DIAPH2: variants seen among roughly 807,000 people sequenced by gnomAD.
DIAPH2 encodes the protein protein diaphanous homolog 2.
Under a neutral mutation model 92.7 loss-of-function variants are expected in DIAPH2, and 35 were observed. The ratio of observed to expected loss-of-function variants is 0.38; its 90% CI spans 0.29 to 0.50. DIAPH2 has a LOEUF of 0.50. Among genes scored for constraint, DIAPH2 ranks in the 20% least tolerant of loss-of-function variants. The pLI, the probability that DIAPH2 is intolerant of heterozygous loss-of-function variation, is 0.94. For missense variants in DIAPH2, 701 were observed against 819.5 expected, an observed-to-expected ratio of 0.86 and a Z score of 1.77; for synonymous variants, 301 against 280.4, an observed-to-expected ratio of 1.07 and a Z score of -0.73.
intron 3 of DIAPH2, among the ~76,000 whole-genome samples, chrX:96,749,128 G>GAAA (rs759288156): frequency 2.7e-4 from 15 of 55,590 alleles, no homozygotes; most frequent in African/African-American, 1.0e-3. Flanking sequence ...TACCCCATCA[G>GAAA]AAAAAAAAAA....
intron 4 of DIAPH2, among the ~76,000 whole-genome samples, chrX:96,820,174 G>C (rs1799158489): frequency 8.9e-6 from 1 of 112,265 alleles, no homozygotes; most frequent in Admixed American, 9.4e-5. Context: ...AAGAAATATA[G>C]TTTGTTGATC....
At chrX:97,009,837 TTCCTC>T (rs1219081473) in intron 17 of DIAPH2, among the ~76,000 whole-genome samples, 13 of 111,762 alleles carry the variant, frequency 1.2e-4, no homozygotes, top group African/African-American at 4.2e-4. Context: ...ACTCTTCCCT[TTCCTC>T]TCCTCAAGTG....
intron 25 of DIAPH2, among the ~76,000 whole-genome samples, chrX:97,414,841 C>T (rs1439017863): frequency 9.0e-6 from 1 of 111,162 alleles, no homozygotes; most frequent in Non-Finnish European, 1.9e-5. Flanking sequence ...AAAGCAATGG[C>T]AACAAAAGCC....
At position 97,334,812 on chromosome X, in the gene DIAPH2, C is replaced by T. The variant is rs186977889; in HGVS notation, c.2845-13304C>T. On this transcript the variant is annotated intron_variant, in intron 23 of 26. Coordinates refer to ENST00000324765, the MANE Select transcript of DIAPH2 (RefSeq NM_006729.5). Reference sequence around the variant, plus strand: ...CCTGGCCAACATAGTGAAACGCCGTCTCTATTAAAAATACAAAAAATAGTC... The same window carrying T: ...CCTGGCCAACATAGTGAAACGCCGTTTCTATTAAAAATACAAAAAATAGTC... 7.1e-3 allele frequency among the ~76,000 whole-genome samples: 759 copies of T among 107,183 alleles called. 9 individuals carry two copies. The highest frequency in any genetic ancestry group is 0.025 in the African/African-American group (732 of 29,588). The allele number at this position is 107,183 out of a possible 115,157, so 93.1% of individuals were successfully genotyped here.
At chrX:97,194,429 C>G (rs961306125) in intron 22 of DIAPH2, among the ~76,000 whole-genome samples, 1 of 109,442 alleles carries the variant, frequency 9.1e-6, no homozygotes, top group Non-Finnish European at 1.9e-5. Flanking sequence ...CTACAGGCAC[C>G]CGCCACCAAG....
At chrX:97,041,618 T>C (rs371597341) in intron 17 of DIAPH2, among the ~76,000 whole-genome samples, 1 of 111,787 alleles carries the variant, frequency 8.9e-6, no homozygotes, top group African/African-American at 3.2e-5. Context: ...TTGTAAACTT[T>C]CGGCATTAAA....
intron 26 of DIAPH2, among the ~76,000 whole-genome samples, chrX:97,510,596 C>A (rs1260946564): frequency 3.9e-4 from 40 of 103,266 alleles, no homozygotes; most frequent in African/African-American, 1.3e-3. Flanking sequence ...TGCCTATGTC[C>A]TGAATGGTAA....
At chrX:97,295,489 T>G (rs141312620) in intron 23 of DIAPH2, among the ~76,000 whole-genome samples, 2,773 of 111,489 alleles carry the variant, frequency 0.025, 48 homozygotes, top group Non-Finnish European at 0.039. Context: ...TCTATAAAAA[T>G]AATCAAATAT....
intron 23 of DIAPH2, among the ~76,000 whole-genome samples, chrX:97,314,580 T>G (rs2068825227): frequency 8.9e-6 from 1 of 112,119 alleles, no homozygotes; most frequent in South Asian, 3.7e-4. Context: ...AGTATTTGTC[T>G]AGAATGAGTT....
intron 17 of DIAPH2, among the ~76,000 whole-genome samples, chrX:96,972,540 A>G (rs919746054): frequency 9.0e-6 from 1 of 111,272 alleles, no homozygotes; most frequent in East Asian, 2.8e-4. Flanking sequence ...AATGGGAGGG[A>G]AAGAAATGAA....
rs368088369 is a variant in DIAPH2, at chrX:97,345,105, A to G, written c.2845-3011A>G. On this transcript the variant is annotated intron_variant, in intron 23 of 26. Transcript: ENST00000324765. The stretch of plus-strand genomic sequence containing the variant: ...GATAAACATTTTCTTAAAAACCAAT[A>G]TATATATGATGACAGTCTCAAAGGT... 7.0e-4 allele frequency among the ~76,000 whole-genome samples: 78 copies of G among 111,985 alleles called. 1 individual carries two copies. Among genetic ancestry groups the G allele is most frequent in the Middle Eastern group, 4.6e-3 (1 of 219 alleles).
intron 23 of DIAPH2, among the ~76,000 whole-genome samples, chrX:97,287,306 A>G (rs750075162): frequency 4.5e-4 from 46 of 101,397 alleles, no homozygotes; most frequent in Non-Finnish European, 7.7e-4. Context: ...CTCCGTCGGG[A>G]AAAAAAAAAA....
intron 22 of DIAPH2, among the ~76,000 whole-genome samples, chrX:97,148,559 C>A (rs1253371666): frequency 9.0e-6 from 1 of 110,973 alleles, no homozygotes; most frequent in African/African-American, 3.3e-5. Context: ...TCCTTACAAT[C>A]TCGGTGCTAT....
chrX:97,485,990 C>T (rs1172540932), intron 26 of DIAPH2, among the ~76,000 whole-genome samples: 1 of 104,110 alleles, frequency 9.6e-6, no homozygotes, highest in Non-Finnish European at 2.0e-5. Flanking sequence ...TTACACCCCT[C>T]CCTTCTGTTC....
intron 26 of DIAPH2, among the ~76,000 whole-genome samples, chrX:97,503,951 C>T (rs2070815823): frequency 9.0e-6 from 1 of 111,307 alleles, no homozygotes; most frequent in African/African-American, 3.3e-5. Flanking sequence ...GTTAAGTAGC[C>T]TCACATTAAA....
At chrX:96,851,740 G>A (rs1337264937) in intron 4 of DIAPH2, among the ~76,000 whole-genome samples, 1 of 111,875 alleles carries the variant, frequency 8.9e-6, no homozygotes, top group Non-Finnish European at 1.9e-5. Flanking sequence ...CAGCCGCAGA[G>A]GGCTGACTGT....
intron 24 of DIAPH2, among the ~76,000 whole-genome samples, chrX:97,367,212 G>A (rs1410077986): frequency 9.0e-6 from 1 of 111,597 alleles, no homozygotes; most frequent in East Asian, 2.8e-4. Flanking sequence ...GAGGAGGGAG[G>A]TAAAGGAAAG....
In DIAPH2 at chrX:96,947,998, T is replaced by C. The variant is rs188264980; in HGVS notation, c.1510-937T>C. Among the ~76,000 whole-genome samples the C allele has an allele frequency of 2.7e-5, 3 of 111,728 alleles. No individual in the cohort carries two copies. In the East Asian group the frequency reaches 8.5e-4, roughly 32 times the overall value. On this transcript the variant is annotated intron_variant, in intron 14 of 26. Coordinates refer to ENST00000324765, the MANE Select transcript of DIAPH2 (RefSeq NM_006729.5). ...CTTTTTGGCTTAGCACCCCATATTT[T>C]AACCTCTAGTTTTTCCTCTCATAAC... is the stretch of plus-strand genomic sequence containing the variant.
At chrX:97,044,234 T>C (rs1035907038) in intron 17 of DIAPH2, among the ~76,000 whole-genome samples, 2 of 106,852 alleles carry the variant, frequency 1.9e-5, no homozygotes, top group Non-Finnish European at 1.9e-5. Context: ...ATGTGATTTA[T>C]TTTTTTTTTG....
Sources: gnomAD v4.1 joint callset for allele counts (sites outside exome capture counted in the v4.1 genomes callset) on GRCh38, gnomAD v4.1.1 for gene constraint, MANE v1.5 for transcripts, NCBI Gene and HGNC (gene_info 2026-07-23, HGNC 2026-07-21) for gene names.